The following OPA1 variants were observed in gnomAD, a reference collection of about 807,000 sequenced individuals.
OPA1 encodes dynamin-like GTPase OPA1, mitochondrial.
Under a neutral mutation model 152.9 loss-of-function variants are expected in OPA1, and 59 were observed. The observed-to-expected ratio is 0.39, with a 90% CI of 0.31 to 0.48. The LOEUF (loss-of-function observed/expected upper bound fraction) is 0.48. Among genes scored for constraint, OPA1 ranks in the 20% least tolerant of loss-of-function variants. OPA1 has a pLI of 0.96. For missense variants in OPA1, 1,008 were observed against 1,216.8 expected, an observed-to-expected ratio of 0.83 and a Z score of 2.55; for synonymous variants, 400 against 389.9, an observed-to-expected ratio of 1.03 and a Z score of -0.31.
At chr3:193,659,976 T>G (rs891175930) in intron 25 of OPA1, among the ~76,000 whole-genome samples, 11 of 152,010 alleles carry the variant, frequency 7.2e-5, no homozygotes, top group Non-Finnish European at 1.3e-4. Flanking sequence ...CAAGACCTCC[T>G]CTTTACTAAA....
chr3:193,637,760 G>A (rs1415560203), intron 10 of OPA1, among the ~76,000 whole-genome samples, 192 bp from the exon 11 acceptor site: 1 of 152,146 alleles, frequency 6.6e-6, no homozygotes, highest in Non-Finnish European at 1.5e-5. Flanking sequence ...AGTGGATCCA[G>A]TTATAGTTTT....
At chr3:193,669,288 C>T (rs1178261108) in intron 29 of OPA1, among the ~76,000 whole-genome samples, 1 of 152,196 alleles carries the variant, frequency 6.6e-6, no homozygotes, top group Non-Finnish European at 1.5e-5. Flanking sequence ...TTTCTCCTTT[C>T]CTTTTCTTTC....
chr3:193,658,429 TAC>T (rs1714431834), intron 23 of OPA1, among the ~76,000 whole-genome samples: 3 of 152,170 alleles, frequency 2.0e-5, no homozygotes, highest in Non-Finnish European at 4.4e-5. Context: ...TCTACCTTAT[TAC>T]TTTTTTCGTT....
At chr3:193,644,230 A>G (rs992518897) in intron 16 of OPA1, 125 bp downstream of exon 16, 2 of 1,163,798 alleles carry the variant, frequency 1.7e-6, no homozygotes, top group East Asian at 2.6e-5. Flanking sequence ...ATTTATTACA[A>G]TGAAAGGATA....
At chr3:193,594,814 G>A (rs1725253356) in intron 1 of OPA1, among the ~76,000 whole-genome samples, 1 of 152,174 alleles carries the variant, frequency 6.6e-6, no homozygotes. Flanking sequence ...TTTAGTCTTT[G>A]AGTAAGTTCA....
chr3:193,622,937 A>G (rs912532244), intron 6 of OPA1, among the ~76,000 whole-genome samples: 1 of 152,198 alleles, frequency 6.6e-6, no homozygotes, highest in African/African-American at 2.4e-5. Context: ...CCTGGCCTTC[A>G]TATTTGGCAA....
chr3:193,614,165 G>A (rs745725374), intron 1 of OPA1, among the ~76,000 whole-genome samples: 12 of 152,220 alleles, frequency 7.9e-5, no homozygotes, highest in Non-Finnish European at 1.8e-4. Context: ...AGTTGGGATT[G>A]ATTAACTTCC....
At chr3:193,685,199 G>T (rs1321146467) in intron 29 of OPA1, among the ~76,000 whole-genome samples, 1 of 151,922 alleles carries the variant, frequency 6.6e-6, no homozygotes, top group Non-Finnish European at 1.5e-5. Context: ...CTACTCCGGA[G>T]GCTGAGGCAG....
At chr3:193,593,605 G>A (rs1725002987) in intron 1 of OPA1, among the ~76,000 whole-genome samples, 196 bp downstream of exon 1, 1 of 152,064 alleles carries the variant, frequency 6.6e-6, no homozygotes, top group Non-Finnish European at 1.5e-5. Context: ...CTTCAATACT[G>A]GCCCTTTTCT....
intron 16 of OPA1, 52 bp from the exon 17 acceptor site, chr3:193,645,501 A>C (rs1360438445): frequency 7.7e-6 from 11 of 1,420,538 alleles, no homozygotes; most frequent in Non-Finnish European, 1.1e-5. Context: ...TTACGCTTTT[A>C]AAACTTATGT....
intron 29 of OPA1, chr3:193,668,533 A>G: frequency 6.5e-7 from 1 of 1,548,466 alleles, no homozygotes; most frequent in South Asian, 1.2e-5. Flanking sequence ...GCCCGACCCC[A>G]GACAGATTCC....
At chr3:193,613,154 T>G (rs1035678023) in intron 1 of OPA1, among the ~76,000 whole-genome samples, 4 of 152,240 alleles carry the variant, frequency 2.6e-5, no homozygotes, top group Non-Finnish European at 5.9e-5. Context: ...CAGAATTGAA[T>G]GCAGTTTGAA....
chr3:193,600,014 G>A (rs1726223108), intron 1 of OPA1, among the ~76,000 whole-genome samples: 1 of 152,216 alleles, frequency 6.6e-6, no homozygotes, highest in Admixed American at 6.5e-5. Flanking sequence ...CGCTGGGATT[G>A]GCCAACACTC....
At chr3:193,682,632 G>A (rs892105592) in intron 29 of OPA1, among the ~76,000 whole-genome samples, 1 of 152,118 alleles carries the variant, frequency 6.6e-6, no homozygotes, top group Non-Finnish European at 1.5e-5. Flanking sequence ...AAATCCTAGG[G>A]CCCTTAAGGA....
intron 13 of OPA1, 118 bp from the exon 14 acceptor site, chr3:193,643,255 G>A (rs1577241725): frequency 3.4e-6 from 3 of 891,446 alleles, no homozygotes; most frequent in East Asian, 5.1e-5. Flanking sequence ...CCATTTTTGT[G>A]AGCGTCTTAT....
Position 193,617,792 on chromosome 3 carries a change from T to C in OPA1, c.565T>C (p.Leu189=). Residue 189 remains leucine (L), a synonymous_variant, in exon 5 of 31, where the codon TTG becomes CTG. Transcript: ENST00000361510. ...LKDFFTSGHK[L]VSEVIGASDL... ...TTGCTGATTTTTCACAGGTCACAAA[T>C]TGGTTAGTGAAGTCATAGGAGCTTC... 1 of 1,611,752 alleles carries C rather than the reference T, an allele frequency of 6.2e-7. No homozygotes were observed. The highest frequency in any genetic ancestry group is 8.5e-7 in the Non-Finnish European group (1 of 1,178,050).
intron 25 of OPA1, among the ~76,000 whole-genome samples, chr3:193,661,772 G>A (rs1399307641): frequency 6.6e-6 from 1 of 152,144 alleles, no homozygotes; most frequent in Non-Finnish European, 1.5e-5. Flanking sequence ...GGGTAGAAAG[G>A]GGGAAGTAAA....
chr3:193,664,564 C>G (rs1716079367), intron 26 of OPA1, among the ~76,000 whole-genome samples: 1 of 151,916 alleles, frequency 6.6e-6, no homozygotes, highest in Non-Finnish European at 1.5e-5. Context: ...GGTTTCCTCA[C>G]CTCTAACTAG....
chr3:193,631,785 C>T, intron 8 of OPA1, 120 bp downstream of exon 8: 4 of 803,002 alleles, frequency 5.0e-6, no homozygotes, highest in Non-Finnish European at 8.7e-6. Flanking sequence ...ATGATAGAAC[C>T]TTATTATTAT....
Sources: gnomAD v4.1 joint callset for allele counts (sites outside exome capture counted in the v4.1 genomes callset) on GRCh38, gnomAD v4.1.1 for gene constraint, MANE v1.5 for transcripts, NCBI Gene and HGNC (gene_info 2026-07-23, HGNC 2026-07-21) for gene names.